ARHGAP39: variants seen among roughly 807,000 people sequenced by gnomAD.
ARHGAP39 encodes the protein Rho GTPase activating protein 39.
A neutral mutation model predicts 106.9 loss-of-function variants in ARHGAP39; 44 were observed. That is an observed-to-expected ratio of 0.41 (90% CI 0.32 to 0.53). The LOEUF is 0.53. Ranked by LOEUF, ARHGAP39 falls within the 20% of genes least tolerant of loss-of-function variation. The probability of loss-of-function intolerance (pLI) is 0.21; values close to 1 mark genes in which losing one functional copy is unlikely to be tolerated. For synonymous variants in ARHGAP39, 768 were observed against 693.2 expected (o/e 1.11, Z -1.69); for missense variants, 1,496 against 1,577.3 (o/e 0.95, Z 0.87).
chr8:144,628,600 TG>T (rs1820983979), intron 1 of ARHGAP39, among the ~76,000 whole-genome samples: 1 of 152,096 alleles, frequency 6.6e-6, no homozygotes, highest in South Asian at 2.1e-4. Context: ...ACTGACAGGG[TG>T]GGCAGACAAC....
At chr8:144,680,540 CTTTT>C (rs36118112) in intron 1 of ARHGAP39, among the ~76,000 whole-genome samples, 1 of 152,128 alleles carries the variant, frequency 6.6e-6, no homozygotes, top group African/African-American at 2.4e-5. Flanking sequence ...CAGATTTTTT[CTTTT>C]TAAGTTCCCC....
intron 4 of ARHGAP39, among the ~76,000 whole-genome samples, chr8:144,549,282 T>G (rs1267497662): frequency 6.6e-6 from 1 of 152,270 alleles, no homozygotes; most frequent in East Asian, 1.9e-4. Flanking sequence ...TGCAGGGCGC[T>G]GGACCCAGGA....
At chr8:144,561,782 C>T (rs1218473758) in intron 3 of ARHGAP39, among the ~76,000 whole-genome samples, 1 of 148,426 alleles carries the variant, frequency 6.7e-6, no homozygotes, top group Non-Finnish European at 1.5e-5. Context: ...GGACTTACTC[C>T]AGTGGTTTCC....
At chr8:144,558,245 A>C (rs1031176798) in intron 3 of ARHGAP39, among the ~76,000 whole-genome samples, 1 of 152,226 alleles carries the variant, frequency 6.6e-6, no homozygotes, top group Non-Finnish European at 1.5e-5. Context: ...ATAAATATAA[A>C]GATATGACTT....
intron 1 of ARHGAP39, among the ~76,000 whole-genome samples, chr8:144,652,679 T>C (rs1821602651): frequency 6.6e-6 from 1 of 152,046 alleles, no homozygotes; most frequent in Admixed American, 6.6e-5. Context: ...AAATACCACA[T>C]GTTCTCACTT....
At chr8:144,588,370 C>T (rs545318224) in intron 2 of ARHGAP39, among the ~76,000 whole-genome samples, 210 of 152,372 alleles carry the variant, frequency 1.4e-3, no homozygotes, top group African/African-American at 4.8e-3. Context: ...CGGTGGGGCA[C>T]ATCATGAGCC....
At position 144,561,900 on chromosome 8, in the gene ARHGAP39, G is replaced by A. The variant is rs868226305; in HGVS notation, c.513-6257C>T. ...CCATCACACTCCAGTGGTTTCCATC[G>A]CACTCCAGTGGTTTCCATCACACTC... is the stretch of plus-strand genomic sequence containing the variant. On this transcript the variant is annotated intron_variant, in intron 3 of 11. Coordinates refer to ENST00000377307, the MANE Select transcript of ARHGAP39 (RefSeq NM_025251.3). 5.3e-4 allele frequency among the ~76,000 whole-genome samples: 69 copies of A among 129,552 alleles called. 1 individual carries two copies. Among genetic ancestry groups the A allele is most frequent in the Admixed American group, 1.7e-3 (21 of 12,678 alleles). 85.0% of individuals were successfully genotyped at this position (129,552 alleles called of 152,430 possible).
At chr8:144,654,576 C>T (rs568547237) in intron 1 of ARHGAP39, among the ~76,000 whole-genome samples, 7 of 152,312 alleles carry the variant, frequency 4.6e-5, no homozygotes, top group Non-Finnish European at 7.4e-5. Flanking sequence ...GCTGCCATCA[C>T]GCTGGCTGCA....
chr8:144,640,201 C>T (rs755376472), intron 1 of ARHGAP39, among the ~76,000 whole-genome samples: 1 of 152,178 alleles, frequency 6.6e-6, no homozygotes, highest in African/African-American at 2.4e-5. Flanking sequence ...TTTGGACTCT[C>T]GCGTGGCTCA....
intron 2 of ARHGAP39, among the ~76,000 whole-genome samples, chr8:144,588,559 C>T (rs1163894727): frequency 1.3e-5 from 2 of 152,182 alleles, no homozygotes; most frequent in Non-Finnish European, 2.9e-5. Flanking sequence ...AGACTGGGTG[C>T]GGGAGGCGGG....
intron 2 of ARHGAP39, among the ~76,000 whole-genome samples, chr8:144,602,772 GTA>G (rs1168054290): frequency 8.3e-5 from 12 of 144,568 alleles, no homozygotes; most frequent in South Asian, 4.5e-4. Flanking sequence ...GTACCTGTGT[GTA>G]TGTGCATGGA....
chr8:144,644,449 C>G lies in ARHGAP39; in HGVS notation c.-81-38754G>C, dbSNP rs1479581974. Among the ~76,000 whole-genome samples, 1 of 152,176 alleles carries G rather than the reference C, an allele frequency of 6.6e-6. No individual in the cohort carries two copies. The highest frequency in any genetic ancestry group is 1.5e-5 in the Non-Finnish European group (1 of 68,030). On this transcript the variant is annotated intron_variant, in intron 1 of 11. Coordinates refer to ENST00000377307, the MANE Select transcript of ARHGAP39 (RefSeq NM_025251.3). The surrounding 1 kb of genome is among the most constrained non-coding windows in gnomAD (Gnocchi z 4.8). ...CAGCATCTTCTAGGTGATGGAAATG[C>G]TCAACAGGAGGTGATGGCTGCACGA...
At chr8:144,559,916 C>G (rs1818080034) in intron 3 of ARHGAP39, among the ~76,000 whole-genome samples, 1 of 152,226 alleles carries the variant, frequency 6.6e-6, no homozygotes, top group African/African-American at 2.4e-5. Flanking sequence ...CACCTGAGGT[C>G]AGACGTGGAA....
chr8:144,589,696 G>A (rs1236051845), intron 2 of ARHGAP39, among the ~76,000 whole-genome samples: 1 of 152,244 alleles, frequency 6.6e-6, no homozygotes, highest in Non-Finnish European at 1.5e-5. Flanking sequence ...CGTACTCAGG[G>A]ACCTGAAGCT....
intron 1 of ARHGAP39, among the ~76,000 whole-genome samples, chr8:144,657,363 G>A (rs1210023403): frequency 6.6e-6 from 1 of 152,218 alleles, no homozygotes; most frequent in Non-Finnish European, 1.5e-5. Context: ...AGGAGGCTGA[G>A]GCAGGAGGAT....
At chr8:144,583,090 C>G (rs913664838) in intron 2 of ARHGAP39, among the ~76,000 whole-genome samples, 1 of 152,182 alleles carries the variant, frequency 6.6e-6, no homozygotes, top group African/African-American at 2.4e-5. Flanking sequence ...CACCCCCGCT[C>G]TGGTCCGTGC....
At position 144,547,831 on chromosome 8, in the gene ARHGAP39, C is replaced by A; in HGVS notation, c.1255G>T (p.Ala419Ser). 1 of 1,590,856 alleles carries A rather than the reference C, an allele frequency of 6.3e-7. No individual in the cohort carries two copies. Among genetic ancestry groups the A allele is most frequent in the Non-Finnish European group, 8.5e-7 (1 of 1,170,184 alleles). Reference protein sequence around the residue: ...KLRAGPRHKYAPNPGGGSYSL... With the variant: ...KLRAGPRHKYSPNPGGGSYSL... ...TACGAACCACCGCCGGGGTTGGGCG[C>A]GTACTTGTGCCGCGGGCCGGCGCGC... Residue 419 changes from alanine (A) to serine (S), a missense_variant, in exon 5 of 12, where the codon GCG (alanine) becomes TCG (serine). Ala to Ser is a moderately conservative substitution (Grantham distance 99). Transcript: ENST00000377307. The surrounding 1 kb of genome is among the most constrained non-coding windows in gnomAD (Gnocchi z 5.2).
chr8:144,587,745 C>G (rs909531046), intron 2 of ARHGAP39, among the ~76,000 whole-genome samples: 9 of 151,660 alleles, frequency 5.9e-5, no homozygotes, highest in Non-Finnish European at 1.3e-4. Flanking sequence ...ACTTCTGCCT[C>G]CCAGGTTCAA....
intron 2 of ARHGAP39, among the ~76,000 whole-genome samples, chr8:144,581,841 AC>A (rs1336785457): frequency 6.6e-6 from 1 of 151,632 alleles, no homozygotes; most frequent in African/African-American, 2.4e-5. Flanking sequence ...CGGCCCTCAG[AC>A]CCCCGCTGGG....
Sources: allele counts gnomAD v4.1 joint callset (sites outside exome capture counted in the v4.1 genomes callset), GRCh38; gene constraint gnomAD v4.1.1; non-coding constraint Gnocchi (gnomAD v3.1); transcripts MANE v1.5; gene names NCBI Gene and HGNC (gene_info 2026-07-23, HGNC 2026-07-21).